Variants in PLEKHA7 observed in about 807,000 individuals in gnomAD.
PLEKHA7 encodes the protein pleckstrin homology domain containing A7, also known as pleckstrin homology domain-containing family A member 7.
PLEKHA7 carries 104 observed loss-of-function variants against 170.0 expected under a neutral mutation model. That is an observed-to-expected ratio of 0.61 (90% CI 0.52 to 0.72). The LOEUF (loss-of-function observed/expected upper bound fraction) is 0.72. PLEKHA7 is among the 30% of genes least tolerant of loss of function. PLEKHA7 has a pLI of 0.00. For synonymous variants in PLEKHA7, 648 were observed against 660.8 expected, an observed-to-expected ratio of 0.98 and a Z score of 0.30; for missense variants, 1,615 against 1,671.7, an observed-to-expected ratio of 0.97 and a Z score of 0.59.
chr11:16,835,887 C>T (rs888868800), intron 9 of PLEKHA7, among the ~76,000 whole-genome samples: 1 of 152,158 alleles, frequency 6.6e-6, no homozygotes, highest in Non-Finnish European at 1.5e-5. Context: ...CCCAGTAAGC[C>T]ATTTCTGCCC....
rs374049087 is a variant in PLEKHA7 at position 16,801,686 on chromosome 11, C to T, written c.2289G>A (p.Glu763=). The T allele has an allele frequency of 6.2e-7, 1 of 1,614,144 alleles. No individual in the cohort carries two copies. Among genetic ancestry groups the T allele is most frequent in the South Asian group, 1.1e-5 (1 of 91,084 alleles). The change falls in exon 16 of 27, where the codon GAG becomes GAA. Residue 763 remains glutamate (E), a synonymous_variant. Coordinates refer to ENST00000531066, the MANE Select transcript of PLEKHA7 (RefSeq NM_001329630.2). ...TACGCACAGTGGACTCTCTGGAGAG[C>T]TCAGCTCGGATATGGACAAGGTCCT... The part of the protein sequence containing the change: ...LQEDLVHIRA[E]LSRESTEMEN...
chr11:16,787,967 C>G (rs1849514896), intron 23 of PLEKHA7: 1 of 152,176 alleles, frequency 6.6e-6, no homozygotes, highest in Admixed American at 6.5e-5. Flanking sequence ...TATTAAATAC[C>G]AGAAACACAA....
At chr11:16,812,989 T>C in intron 13 of PLEKHA7, 124 bp downstream of exon 13, 1 of 698,908 alleles carries the variant, frequency 1.4e-6, no homozygotes, top group South Asian at 2.0e-5. Context: ...ATGGGAGACA[T>C]ATTGATTTAG....
intron 10 of PLEKHA7, among the ~76,000 whole-genome samples, chr11:16,823,079 T>C (rs2134870447): frequency 6.6e-6 from 1 of 152,210 alleles, no homozygotes; most frequent in African/African-American, 2.4e-5. Flanking sequence ...ATTGCAGCCT[T>C]GAACTCATGG....
At chr11:17,007,769 T>C (rs1489629000) in intron 3 of PLEKHA7, among the ~76,000 whole-genome samples, 1 of 152,082 alleles carries the variant, frequency 6.6e-6, no homozygotes, top group African/African-American at 2.4e-5. Context: ...AGATAGGGTT[T>C]TACCATGTTG....
intron 3 of PLEKHA7, among the ~76,000 whole-genome samples, chr11:16,924,558 G>T (rs1316828082): frequency 6.6e-6 from 1 of 152,162 alleles, no homozygotes; most frequent in East Asian, 1.9e-4. Context: ...GGTACAGACG[G>T]GTTCTAAAGT....
Position 16,778,892 on chromosome 11 carries a change from AT to A in PLEKHA7, c.*105del. ...GTAAGCTGCTCCTTCCTCCGGCCGG[AT>A]TCCCTGCTCAGCTGGAAGGGGTTTC... On this transcript the variant is annotated 3_prime_UTR_variant, in exon 27 of 27. Coordinates refer to ENST00000531066, the MANE Select transcript of PLEKHA7 (RefSeq NM_001329630.2). The A allele has an allele frequency of 1.4e-6, 1 of 699,360 alleles. No individual in the cohort carries two copies. Among genetic ancestry groups the A allele is most frequent in the Non-Finnish European group, 2.6e-6 (1 of 382,718 alleles). 43.3% of individuals were successfully genotyped at this position (699,360 alleles called of 1,614,324 possible). A position where few individuals can be genotyped will look rare whatever the true frequency, so the allele number is the denominator to read the frequency against.
At chr11:16,947,042 C>CAG (rs1370774043) in intron 3 of PLEKHA7, among the ~76,000 whole-genome samples, 2 of 152,164 alleles carry the variant, frequency 1.3e-5, no homozygotes, top group Non-Finnish European at 2.9e-5. Flanking sequence ...ATAAAGAATA[C>CAG]AGAGGCCTGG....
rs201067282 is a variant in PLEKHA7 at position 16,859,364 on chromosome 11, T to C, written c.306-3450A>G. Among the ~76,000 whole-genome samples the C allele has an allele frequency of 6.6e-5, 10 of 152,320 alleles. No individual in the cohort carries two copies. The East Asian group carries it at 9.6e-4, about 15-fold the overall frequency. On this transcript the variant is annotated intron_variant, in intron 4 of 26. Coordinates refer to ENST00000531066, the MANE Select transcript of PLEKHA7 (RefSeq NM_001329630.2). ...GGAAATAACTACAAGTTATCTGGAA[T>C]AACAACTAGTTAAAAAAAATGGTGG...
chr11:16,823,115 C>T (rs1850373203), intron 10 of PLEKHA7, among the ~76,000 whole-genome samples: 1 of 152,094 alleles, frequency 6.6e-6, no homozygotes, highest in Admixed American at 6.5e-5. Flanking sequence ...CCGCCTTAGC[C>T]TCCCAAGTAG....
At chr11:16,974,534 A>G (rs550847734) in intron 3 of PLEKHA7, among the ~76,000 whole-genome samples, 3 of 152,204 alleles carry the variant, frequency 2.0e-5, no homozygotes, top group African/African-American at 7.2e-5. Context: ...CAGTGATAAC[A>G]TGTTATATTA....
intron 12 of PLEKHA7, among the ~76,000 whole-genome samples, chr11:16,815,525 C>CT (rs1007832882): frequency 4.0e-5 from 6 of 151,696 alleles, no homozygotes; most frequent in Admixed American, 1.3e-4. Flanking sequence ...CAGACTCAAG[C>CT]TTTTTTTTTC....
At chr11:16,945,271 A>C (rs775169276) in intron 3 of PLEKHA7, among the ~76,000 whole-genome samples, 7 of 152,178 alleles carry the variant, frequency 4.6e-5, no homozygotes, top group Non-Finnish European at 7.4e-5. Flanking sequence ...GGTTAATTTG[A>C]AGTAGGTCTA....
At chr11:16,824,654 C>T (rs745823087) in intron 10 of PLEKHA7, among the ~76,000 whole-genome samples, 2 of 152,228 alleles carry the variant, frequency 1.3e-5, no homozygotes, top group South Asian at 4.1e-4. Context: ...TTTCCATTGT[C>T]ACCCTCCTGG....
chr11:16,887,908 G>GGAGTGCCTC (rs1856267774), intron 3 of PLEKHA7, among the ~76,000 whole-genome samples: 1 of 151,782 alleles, frequency 6.6e-6, no homozygotes, highest in Non-Finnish European at 1.5e-5. Context: ...TGGGAAGTGA[G>GGAGTGCCTC]GAGTGCCTCT....
At chr11:17,002,505 G>A (rs898006508) in intron 3 of PLEKHA7, among the ~76,000 whole-genome samples, 14 of 152,148 alleles carry the variant, frequency 9.2e-5, no homozygotes, top group African/African-American at 2.7e-4. Context: ...AGAAGACTTC[G>A]GTTCAAGTCT....
chr11:16,890,359 G>A (rs759423097), intron 3 of PLEKHA7, among the ~76,000 whole-genome samples: 1 of 152,072 alleles, frequency 6.6e-6, no homozygotes, highest in Non-Finnish European at 1.5e-5. Flanking sequence ...CTGGTGGAAT[G>A]GATTTAAAAA....
chr11:16,797,443 C>T (rs933292239), intron 17 of PLEKHA7, among the ~76,000 whole-genome samples: 6 of 152,194 alleles, frequency 3.9e-5, no homozygotes, highest in African/African-American at 1.4e-4. Context: ...GGGCCTGGCA[C>T]TTAGCAGGTT....
intron 3 of PLEKHA7, among the ~76,000 whole-genome samples, chr11:16,957,691 T>A (rs11024086): frequency 0.79 from 92,446 of 116,688 alleles, 36,107 homozygotes; most frequent in South Asian, 0.87. Context: ...CCTCAATAAT[T>A]TTTTTCTTTT....
Sources: gnomAD v4.1 joint callset for allele counts (sites outside exome capture counted in the v4.1 genomes callset) on GRCh38, gnomAD v4.1.1 for gene constraint, MANE v1.5 for transcripts, NCBI Gene and HGNC (gene_info 2026-07-23, HGNC 2026-07-21) for gene names.